The following ARB2A variants were observed in gnomAD, a reference collection of about 807,000 sequenced individuals.
ARB2A encodes cotranscriptional regulator ARB2A.
chr5:93,659,666 C>T, the ARB2A span, among the ~76,000 whole-genome samples: 27 of 152,098 alleles, frequency 1.8e-4, no homozygotes, highest in African/African-American at 5.3e-4. Flanking sequence ...TTCATCATCA[C>T]CACCATGCTC....
the ARB2A span, among the ~76,000 whole-genome samples, chr5:94,051,258 C>T: frequency 6.6e-6 from 1 of 152,118 alleles, no homozygotes; most frequent in Non-Finnish European, 1.5e-5. Context: ...AAAAATCTGC[C>T]ACTGGGGATT....
At chr5:93,773,103 C>G in the ARB2A span, among the ~76,000 whole-genome samples, 1 of 152,218 alleles carries the variant, frequency 6.6e-6, no homozygotes, top group Non-Finnish European at 1.5e-5. Context: ...GCCTTCTTTT[C>G]CCTCTAACTT....
chr5:93,904,240 G>A, the ARB2A span, among the ~76,000 whole-genome samples: 1 of 151,774 alleles, frequency 6.6e-6, no homozygotes, highest in Non-Finnish European at 1.5e-5. Flanking sequence ...TAATAACTAT[G>A]CTCCAAAATT....
chr5:94,000,163 C>G, the ARB2A span, among the ~76,000 whole-genome samples: 3 of 152,208 alleles, frequency 2.0e-5, no homozygotes, highest in African/African-American at 7.2e-5. Flanking sequence ...TAAGTTTCAA[C>G]TTCTTTGGTT....
At chr5:93,626,794 T>C in the ARB2A span, among the ~76,000 whole-genome samples, 1 of 152,192 alleles carries the variant, frequency 6.6e-6, no homozygotes, top group African/African-American at 2.4e-5. Flanking sequence ...AGAGTGATGA[T>C]TGCTAAAGAT....
chr5:93,837,669 T>C, the ARB2A span, among the ~76,000 whole-genome samples: 1 of 152,086 alleles, frequency 6.6e-6, no homozygotes. Context: ...CTCACCAGCA[T>C]CTGTTATTTT....
chr5:94,023,538 T>C, the ARB2A span, among the ~76,000 whole-genome samples: 1 of 152,230 alleles, frequency 6.6e-6, no homozygotes, highest in Non-Finnish European at 1.5e-5. Flanking sequence ...ACACCACCTC[T>C]GCTTTGGAAC....
chr5:94,023,778 A>G, the ARB2A span, among the ~76,000 whole-genome samples: 2 of 152,138 alleles, frequency 1.3e-5, no homozygotes, highest in African/African-American at 2.4e-5. Context: ...GCAGTATACA[A>G]CTCCCAGAGG....
chr5:93,947,405 A>G, the ARB2A span, among the ~76,000 whole-genome samples: 3 of 151,966 alleles, frequency 2.0e-5, no homozygotes, highest in Admixed American at 6.6e-5. Context: ...TTAGCAAAGA[A>G]ACCTCCTTTT....
the ARB2A span, among the ~76,000 whole-genome samples, chr5:93,643,025 G>T: frequency 6.6e-6 from 1 of 152,148 alleles, no homozygotes; most frequent in Admixed American, 6.5e-5. Flanking sequence ...GATAGTCTGT[G>T]CTAGCCTGGC....
At chr5:93,777,534 A>AAC in the ARB2A span, among the ~76,000 whole-genome samples, 11 of 151,748 alleles carry the variant, frequency 7.2e-5, no homozygotes, top group Non-Finnish European at 1.6e-4. Flanking sequence ...AAAATGTCTC[A>AAC]ACACACACAC....
At chr5:93,773,372 A>G in the ARB2A span, among the ~76,000 whole-genome samples, 1 of 152,200 alleles carries the variant, frequency 6.6e-6, no homozygotes, top group Non-Finnish European at 1.5e-5. Context: ...CGTAGTTGCT[A>G]CTACACAATG....
At chr5:93,820,516 T>A in the ARB2A span, among the ~76,000 whole-genome samples, 2 of 152,230 alleles carry the variant, frequency 1.3e-5, no homozygotes, top group African/African-American at 4.8e-5. Context: ...AAAACTAGTA[T>A]AAGGCAAAAG....
At chr5:93,908,071 C>G in the ARB2A span, among the ~76,000 whole-genome samples, 1 of 150,996 alleles carries the variant, frequency 6.6e-6, no homozygotes, top group African/African-American at 2.4e-5. Flanking sequence ...TTTACATGAA[C>G]CAAAATTTAA....
the ARB2A span, among the ~76,000 whole-genome samples, chr5:93,814,835 C>CT: frequency 6.6e-6 from 1 of 152,066 alleles, no homozygotes; most frequent in East Asian, 1.9e-4. Context: ...CAAGAAAACA[C>CT]TTTTTTGGTT....
chr5:93,759,448 A>G, the ARB2A span, among the ~76,000 whole-genome samples: 2 of 152,326 alleles, frequency 1.3e-5, no homozygotes, highest in East Asian at 3.9e-4. Context: ...TAACCAAAAA[A>G]GAAAACTACA....
chr5:94,084,769 G>A, the ARB2A span, among the ~76,000 whole-genome samples: 2 of 152,038 alleles, frequency 1.3e-5, no homozygotes, highest in Non-Finnish European at 2.9e-5. Flanking sequence ...GGGGAAAACA[G>A]GGATTTTTTT....
At chr5:93,742,917 C>T in the ARB2A span, 1 of 152,230 alleles carries the variant, frequency 6.6e-6, no homozygotes, top group Non-Finnish European at 1.5e-5. Context: ...TACCTCTCAT[C>T]CCGGGACTTT....
the ARB2A span, among the ~76,000 whole-genome samples, chr5:93,837,173 C>G: frequency 6.6e-6 from 1 of 152,094 alleles, no homozygotes; most frequent in African/African-American, 2.4e-5. Context: ...TCCACGTGTT[C>G]TCATTGTTTA....
Sources: allele counts gnomAD v4.1 joint callset (sites outside exome capture counted in the v4.1 genomes callset), GRCh38; gene constraint gnomAD v4.1.1; transcripts MANE v1.5; gene names NCBI Gene and HGNC (gene_info 2026-07-23, HGNC 2026-07-21).